Variants in ZPBP observed in about 807,000 individuals in gnomAD.
ZPBP encodes the protein zona pellucida binding protein.
ZPBP carries 26 observed loss-of-function variants against 44.8 expected under a neutral mutation model. The observed-to-expected ratio is 0.58, with a 90% CI of 0.43 to 0.81. ZPBP has a LOEUF of 0.81. Ranked by LOEUF, ZPBP falls within the 30% of genes least tolerant of loss-of-function variation. The pLI is 0.00. For synonymous variants in ZPBP, 174 were observed against 153.2 expected (o/e 1.14, Z -1.00); for missense variants, 409 against 434.0 (o/e 0.94, Z 0.51).
At chr7:49,971,693 A>G (rs1796310825) in intron 7 of ZPBP, among the ~76,000 whole-genome samples, 1 of 152,106 alleles carries the variant, frequency 6.6e-6, no homozygotes, top group African/African-American at 2.4e-5. Flanking sequence ...GAAGTAACAC[A>G]AATCCTTTAC....
intron 1 of ZPBP, chr7:49,918,982 G>C (rs577573600): frequency 1.3e-5 from 2 of 152,070 alleles, no homozygotes; most frequent in African/African-American, 4.8e-5. Flanking sequence ...CTTAAACCGA[G>C]GGGGTGGAGG....
chr7:50,037,675 T>G (rs1034471656), intron 4 of ZPBP, among the ~76,000 whole-genome samples: 1 of 152,008 alleles, frequency 6.6e-6, no homozygotes, highest in African/African-American at 2.4e-5. Context: ...CCCCCAAAAT[T>G]GGGGAGTACA....
intron 6 of ZPBP, among the ~76,000 whole-genome samples, chr7:50,014,293 G>C (rs1230800668): frequency 2.6e-5 from 4 of 151,820 alleles, no homozygotes; most frequent in Non-Finnish European, 5.9e-5. Flanking sequence ...AAGGAACCTA[G>C]AACATCCAGA....
At chr7:50,025,767 A>G (rs978164757) in intron 5 of ZPBP, among the ~76,000 whole-genome samples, 3 of 151,956 alleles carry the variant, frequency 2.0e-5, no homozygotes, top group African/African-American at 7.2e-5. Flanking sequence ...ACTTTGCTCA[A>G]TTTTTCTGTA....
chr7:50,049,809 T>C (rs1425810647), intron 4 of ZPBP, among the ~76,000 whole-genome samples: 1 of 151,790 alleles, frequency 6.6e-6, no homozygotes. Flanking sequence ...TCTAAAGTCC[T>C]AGGCTCCTCA....
intron 2 of ZPBP, among the ~76,000 whole-genome samples, chr7:49,865,140 A>G (rs78076717): frequency 7.7e-4 from 117 of 152,248 alleles, no homozygotes; most frequent in African/African-American, 2.6e-3. Flanking sequence ...GATTTTGTAT[A>G]TTGCTTTTAT....
chr7:50,069,767 C>A (rs187039739), intron 3 of ZPBP, among the ~76,000 whole-genome samples: 1 of 152,082 alleles, frequency 6.6e-6, no homozygotes, highest in Non-Finnish European at 1.5e-5. Flanking sequence ...ATCCACCAGA[C>A]GGGGTCCTAT....
At chr7:49,968,072 ATTAAT>A (rs1285411002) in intron 7 of ZPBP, among the ~76,000 whole-genome samples, 1 of 151,136 alleles carries the variant, frequency 6.6e-6, no homozygotes, top group Non-Finnish European at 1.5e-5. Context: ...ATGACAGCAG[ATTAAT>A]TTAGAACTAA....
intron 1 of ZPBP, among the ~76,000 whole-genome samples, chr7:49,903,724 C>T (rs1323153359): frequency 2.0e-5 from 3 of 152,104 alleles, no homozygotes; most frequent in Non-Finnish European, 2.9e-5. Context: ...GCTACGTTGT[C>T]TGGGGTATAT....
At chr7:49,966,888 A>G (rs1796086422) in intron 7 of ZPBP, among the ~76,000 whole-genome samples, 1 of 152,132 alleles carries the variant, frequency 6.6e-6, no homozygotes, top group African/African-American at 2.4e-5. Flanking sequence ...CATGGCATAC[A>G]CAGGAGACCC....
intron 4 of ZPBP, among the ~76,000 whole-genome samples, chr7:50,034,950 C>T (rs748871047): frequency 4.6e-5 from 7 of 152,182 alleles, no homozygotes; most frequent in Non-Finnish European, 7.3e-5. Flanking sequence ...AGGTTAAAGA[C>T]GCTGAAAATG....
intron 4 of ZPBP, among the ~76,000 whole-genome samples, chr7:50,037,883 G>A (rs912590109): frequency 3.3e-5 from 5 of 152,074 alleles, no homozygotes; most frequent in African/African-American, 7.2e-5. Context: ...CCCAGGAAAG[G>A]AAGGATGTCA....
chr7:49,891,696 GA>G (rs1792136658), intron 2 of ZPBP, among the ~76,000 whole-genome samples: 2 of 152,138 alleles, frequency 1.3e-5, no homozygotes, highest in African/African-American at 4.8e-5. Flanking sequence ...ATCACTTTGG[GA>G]AAACATTTAT....
chr7:50,091,963 T>C (rs773069308), intron 1 of ZPBP, among the ~76,000 whole-genome samples: 2 of 152,198 alleles, frequency 1.3e-5, no homozygotes, highest in Non-Finnish European at 2.9e-5. Context: ...TTTTCTTATA[T>C]GTAAAATGGG....
chr7:50,055,507 C>T (rs191130730), intron 4 of ZPBP, among the ~76,000 whole-genome samples: 1 of 152,172 alleles, frequency 6.6e-6, no homozygotes, highest in African/African-American at 2.4e-5. Flanking sequence ...GACCAGAATT[C>T]CTAAATTGAA....
intron 2 of ZPBP, among the ~76,000 whole-genome samples, chr7:49,885,828 GC>G (rs1358162769): frequency 6.6e-6 from 1 of 152,256 alleles, no homozygotes; most frequent in African/African-American, 2.4e-5. Flanking sequence ...GAGCTGAGAA[GC>G]AGCAGCTGGC....
chr7:49,942,065 C>G (rs1213977147), intron 7 of ZPBP, among the ~76,000 whole-genome samples: 1 of 152,034 alleles, frequency 6.6e-6, no homozygotes, highest in African/African-American at 2.4e-5. Context: ...ACACAGACAA[C>G]TAAATGAAGT....
chr7:49,927,093 C>G (rs528700085), intron 1 of ZPBP, among the ~76,000 whole-genome samples: 1 of 152,312 alleles, frequency 6.6e-6, no homozygotes, highest in East Asian at 1.9e-4. Context: ...ATTACCAACC[C>G]CGCCTATATT....
At chr7:49,912,504 C>T in intron 1 of ZPBP, 1 of 190,558 alleles carries the variant, frequency 5.2e-6, no homozygotes, top group Non-Finnish European at 1.1e-5. Context: ...TAAGTGTTTT[C>T]TATAGATGCA....
Sources: gnomAD v4.1 joint callset for allele counts (sites outside exome capture counted in the v4.1 genomes callset) on GRCh38, gnomAD v4.1.1 for gene constraint, MANE v1.5 for transcripts, NCBI Gene and HGNC (gene_info 2026-07-23, HGNC 2026-07-21) for gene names.